The following GRIN2B variants were observed in gnomAD, a reference collection of about 807,000 sequenced individuals.
GRIN2B encodes the protein glutamate ionotropic receptor NMDA type subunit 2B, also known as glutamate receptor ionotropic, NMDA 2B.
GRIN2B carries 5 observed loss-of-function variants against 114.5 expected under a neutral mutation model. The ratio of observed to expected loss-of-function variants is 0.04; its 90% confidence interval spans 0.02 to 0.09. The LOEUF (loss-of-function observed/expected upper bound fraction) is 0.09, where lower values mean the gene tolerates loss of function less well. Ranked by LOEUF, GRIN2B falls within the 10% of genes least tolerant of loss-of-function variation. The pLI is 1.00. For synonymous variants in GRIN2B, 787 were observed against 745.1 expected, an observed-to-expected ratio of 1.06 and a Z score of -0.92; for missense variants, 1,108 against 1,943.5, an observed-to-expected ratio of 0.57 and a Z score of 8.08.
intron 2 of GRIN2B, among the ~76,000 whole-genome samples, chr12:13,885,426 T>C (rs1394735739): frequency 2.6e-5 from 4 of 152,188 alleles, no homozygotes; most frequent in African/African-American, 9.6e-5. Flanking sequence ...TCTTCCTCAC[T>C]AGCCGGGTGT....
chr12:13,743,130 T>C (rs1440175521), intron 4 of GRIN2B, among the ~76,000 whole-genome samples: 2 of 152,204 alleles, frequency 1.3e-5, no homozygotes, highest in Non-Finnish European at 1.5e-5. Flanking sequence ...ATAACCCAAC[T>C]GCCCACAAGC....
intron 5 of GRIN2B, among the ~76,000 whole-genome samples, chr12:13,646,423 T>C (rs1591656999): frequency 6.6e-6 from 1 of 152,270 alleles, no homozygotes; most frequent in South Asian, 2.1e-4. Flanking sequence ...TAAAAAGTGG[T>C]AGATATTATT....
At chr12:13,663,238 T>C (rs1949941998) in intron 5 of GRIN2B, among the ~76,000 whole-genome samples, 2 of 152,218 alleles carry the variant, frequency 1.3e-5, no homozygotes, top group Admixed American at 6.5e-5. Context: ...ACCATGACTA[T>C]GGGCATGTCT....
intron 3 of GRIN2B, among the ~76,000 whole-genome samples, chr12:13,802,980 G>A (rs908385911): frequency 7.7e-6 from 1 of 129,476 alleles, no homozygotes; most frequent in African/African-American, 3.1e-5. Flanking sequence ...GAAACAGCAA[G>A]AACGACCTCT....
chr12:13,728,147 T>C (rs1269850133), intron 4 of GRIN2B, among the ~76,000 whole-genome samples: 2 of 152,132 alleles, frequency 1.3e-5, no homozygotes, highest in Admixed American at 6.5e-5. Context: ...GAAATGGTGG[T>C]TGAATAATGA....
At chr12:13,838,579 G>T (rs1247190295) in intron 3 of GRIN2B, among the ~76,000 whole-genome samples, 1 of 152,014 alleles carries the variant, frequency 6.6e-6, no homozygotes, top group Non-Finnish European at 1.5e-5. Context: ...GTCTCTTCCT[G>T]TCTGTCTTTT....
intron 4 of GRIN2B, among the ~76,000 whole-genome samples, chr12:13,733,512 T>C (rs1443944282): frequency 2.0e-5 from 3 of 152,160 alleles, no homozygotes; most frequent in Non-Finnish European, 4.4e-5. Flanking sequence ...AAATAAAATC[T>C]GGCCTATTTA....
intron 3 of GRIN2B, among the ~76,000 whole-genome samples, chr12:13,824,855 CAA>C (rs34417194): frequency 1.9e-3 from 180 of 95,098 alleles, no homozygotes; most frequent in Middle Eastern, 6.8e-3. Context: ...GACTCCATTT[CAA>C]AAAAAAAAAA....
intron 2 of GRIN2B, among the ~76,000 whole-genome samples, chr12:13,930,099 G>A (rs1365033416): frequency 3.9e-5 from 6 of 152,224 alleles, no homozygotes; most frequent in South Asian, 2.1e-4. Context: ...CAGGAGAATC[G>A]CTTGAACCGG....
At chr12:13,954,819 A>AAAAC (rs1235229907) in intron 2 of GRIN2B, among the ~76,000 whole-genome samples, 4 of 147,040 alleles carry the variant, frequency 2.7e-5, no homozygotes, top group African/African-American at 9.9e-5. Flanking sequence ...AGGAAAAAAA[A>AAAAC]AAAAAAAAAA....
chr12:13,844,993 C>T (rs1010262459), intron 3 of GRIN2B, among the ~76,000 whole-genome samples: 1 of 152,072 alleles, frequency 6.6e-6, no homozygotes, highest in African/African-American at 2.4e-5. Flanking sequence ...TTCTGCTGTA[C>T]ACGAATTTCT....
chr12:13,853,496 A>G (rs1244591059), intron 3 of GRIN2B, among the ~76,000 whole-genome samples: 1 of 152,222 alleles, frequency 6.6e-6, no homozygotes, highest in Non-Finnish European at 1.5e-5. Context: ...CTCTTTTGAA[A>G]GAGCGCTAAT....
intron 2 of GRIN2B, among the ~76,000 whole-genome samples, chr12:13,927,638 T>C (rs1591626008): frequency 1.3e-5 from 2 of 151,976 alleles, no homozygotes; most frequent in African/African-American, 4.8e-5. Flanking sequence ...GACCACACCC[T>C]ACCAGTGTTT....
At chr12:13,566,606 T>C (rs1948644253) in intron 13 of GRIN2B, among the ~76,000 whole-genome samples, 1 of 152,260 alleles carries the variant, frequency 6.6e-6, no homozygotes, top group African/African-American at 2.4e-5. Context: ...AAACAACTAA[T>C]AATATACCTT....
rs1948615653 is a variant in GRIN2B, at chr12:13,564,725, A to G, written c.2599-86T>C. 3 of 1,161,342 alleles carry G rather than the reference A, an allele frequency of 2.6e-6. No homozygotes were observed. The highest frequency in any genetic ancestry group is 1.2e-5 in the South Asian group (1 of 81,724). 71.9% of individuals were successfully genotyped at this position (1,161,342 alleles called of 1,614,324 possible). ...ACACTCTCCCACCAATAATTGCTCC[A>G]ACTGGATAAGAAAAAGGGAAAGCAT... On this transcript the variant is annotated intron_variant, in intron 13 of 13. Transcript: ENST00000609686. This position sits in a 1 kb window ranked among gnomAD's most constrained non-coding sequence, Gnocchi z 4.8.
intron 2 of GRIN2B, among the ~76,000 whole-genome samples, chr12:13,868,518 A>C (rs893114480): frequency 6.6e-6 from 1 of 152,174 alleles, no homozygotes; most frequent in African/African-American, 2.4e-5. Flanking sequence ...GAAAGCCAAA[A>C]GATTTACCAT....
intron 4 of GRIN2B, among the ~76,000 whole-genome samples, chr12:13,722,509 C>T (rs980325450): frequency 1.3e-5 from 2 of 151,856 alleles, no homozygotes; most frequent in African/African-American, 2.4e-5. Flanking sequence ...GCATGGGTAC[C>T]GATGCAGGTA....
intron 2 of GRIN2B, among the ~76,000 whole-genome samples, chr12:13,940,902 T>C (rs1867235692): frequency 2.0e-5 from 3 of 152,006 alleles, no homozygotes; most frequent in Admixed American, 2.0e-4. Context: ...AACATGATGA[T>C]TGAAACTAGG....
At chr12:13,934,092 C>T (rs1184771874) in intron 2 of GRIN2B, among the ~76,000 whole-genome samples, 5 of 152,194 alleles carry the variant, frequency 3.3e-5, no homozygotes, top group Non-Finnish European at 7.3e-5. Flanking sequence ...TAGCCTAGTG[C>T]TAAGTACCAA....
Sources: allele counts gnomAD v4.1 joint callset (sites outside exome capture counted in the v4.1 genomes callset), GRCh38; gene constraint gnomAD v4.1.1; non-coding constraint Gnocchi (gnomAD v3.1); transcripts MANE v1.5; gene names NCBI Gene and HGNC (gene_info 2026-07-23, HGNC 2026-07-21).